The following PLEKHA4 variants were observed in gnomAD, a reference collection of about 807,000 sequenced individuals.
The protein encoded by PLEKHA4 is pleckstrin homology domain-containing family A member 4.
Under a neutral mutation model 94.7 loss-of-function variants are expected in PLEKHA4, and 73 were observed. The observed-to-expected ratio is 0.77, with a 90% CI of 0.64 to 0.94. PLEKHA4 has a LOEUF of 0.94. Ranked by LOEUF, PLEKHA4 falls within the 40% of genes least tolerant of loss-of-function variation. The pLI, the probability that PLEKHA4 is intolerant of heterozygous loss-of-function variation, is 0.00. For synonymous variants in PLEKHA4, 449 were observed against 437.1 expected (o/e 1.03, Z -0.34); for missense variants, 1,049 against 1,054.1 (o/e 1.00, Z 0.07).
chr19:48,857,680 G>A (rs898005985), intron 8 of PLEKHA4, among the ~76,000 whole-genome samples, 184 bp from the exon 9 acceptor site: 4 of 151,298 alleles, frequency 2.6e-5, no homozygotes, highest in African/African-American at 9.7e-5. Context: ...TAAGGGCAGT[G>A]CAAGATGTGC....
At chr19:48,859,817 T>G in intron 6 of PLEKHA4, 133 bp from the exon 7 acceptor site, 2 of 817,918 alleles carry the variant, frequency 2.4e-6, no homozygotes, top group Non-Finnish European at 1.9e-6. Flanking sequence ...TCCCCCTTCT[T>G]CAGAAGGGGA....
At chr19:48,857,916 A>C (rs191574410) in intron 8 of PLEKHA4, among the ~76,000 whole-genome samples, 1 of 151,682 alleles carries the variant, frequency 6.6e-6, no homozygotes, top group East Asian at 1.9e-4. Flanking sequence ...ATCAATAAAA[A>C]AATAATAATA....
intron 14 of PLEKHA4, 110 bp downstream of exon 14, chr19:48,847,790 A>C (rs1447425927): frequency 1.6e-6 from 2 of 1,286,256 alleles, no homozygotes; most frequent in East Asian, 5.4e-5. Context: ...CACTTGTACC[A>C]GGTGGGTTAG....
intron 6 of PLEKHA4, 90 bp from the exon 7 acceptor site, chr19:48,859,774 CA>C: frequency 8.2e-7 from 1 of 1,213,300 alleles, no homozygotes. Flanking sequence ...AGGATGCACC[CA>C]AAAAAGGAAA....
intron 16 of PLEKHA4, among the ~76,000 whole-genome samples, chr19:48,844,002 C>T (rs909547599): frequency 4.6e-5 from 7 of 151,698 alleles, no homozygotes; most frequent in African/African-American, 1.2e-4. Context: ...GGTCTTGCTA[C>T]GTTAGCCAGG....
intron 14 of PLEKHA4, among the ~76,000 whole-genome samples, chr19:48,845,880 A>T (rs1046662056): frequency 2.0e-5 from 3 of 151,088 alleles, no homozygotes; most frequent in African/African-American, 7.3e-5. Flanking sequence ...GCGTGGTGGC[A>T]GGCGCCTGTA....
intron 16 of PLEKHA4, among the ~76,000 whole-genome samples, chr19:48,842,139 TTTTC>T (rs1217289883): frequency 5.1e-5 from 7 of 138,008 alleles, no homozygotes; most frequent in Admixed American, 2.1e-4. Flanking sequence ...TGTTAATTTA[TTTTC>T]TTTTTTTTTT....
chr19:48,848,267 A>T (rs1405075287), intron 13 of PLEKHA4, among the ~76,000 whole-genome samples: 1 of 151,814 alleles, frequency 6.6e-6, no homozygotes, highest in Non-Finnish European at 1.5e-5. Flanking sequence ...CGGGCGGATC[A>T]CGAGGTCAGG....
chr19:48,861,495 C>T lies in PLEKHA4; in HGVS notation c.272G>A (p.Arg91His), dbSNP rs148436597. ...GHCLFYYKDS[R>H]EESVLGSVLL... ...GACGCTGCCTAGGACACTCTCCTCGCGGCTGTCTGCAAAGAGGGGCTGGGG... is the reference window on the plus strand; with the variant it reads ...GACGCTGCCTAGGACACTCTCCTCGTGGCTGTCTGCAAAGAGGGGCTGGGG... Residue 91 changes from arginine to histidine, a missense_variant, in exon 5 of 20, where the codon CGC becomes CAC. Coordinates refer to ENST00000263265, the MANE Select transcript of PLEKHA4 (RefSeq NM_020904.3). The T allele has an allele frequency of 2.4e-4, 386 of 1,613,922 alleles. 1 individual carries two copies. The highest frequency in any genetic ancestry group is 2.9e-4 in the Non-Finnish European group (341 of 1,179,964).
chr19:48,844,543 A>C (rs2035893275), intron 16 of PLEKHA4: 2 of 985,326 alleles, frequency 2.0e-6, no homozygotes, highest in Non-Finnish European at 2.4e-6. Context: ...TGATGGAGCC[A>C]AGCTTCTGAA....
chr19:48,861,401 G>A lies in PLEKHA4; in HGVS notation c.366C>T (p.Thr122=), dbSNP rs764835247. The A allele has an allele frequency of 1.2e-5, 20 of 1,612,256 alleles. No individual in the cohort carries two copies. Among genetic ancestry groups the A allele is most frequent in the African/African-American group, 2.7e-5 (2 of 74,884 alleles). ...GCACAACATGGATGGATGGACTCAC[G>A]GTGAAGGTGAAGCGCCGCCCTCGGG... ...GAPRGRRFTF[T]AEHPGMRTYV... Residue 122 remains threonine (T), a splice_region_variant and synonymous_variant, in exon 5 of 20, where the codon ACC becomes ACT. Coordinates refer to ENST00000263265, the MANE Select transcript of PLEKHA4 (RefSeq NM_020904.3).
chr19:48,856,367 A>G (rs1015467798), intron 9 of PLEKHA4, among the ~76,000 whole-genome samples: 2 of 131,718 alleles, frequency 1.5e-5, no homozygotes, highest in Non-Finnish European at 3.7e-5. Context: ...GCAGATCACA[A>G]GGTCAGGAGA....
intron 13 of PLEKHA4, among the ~76,000 whole-genome samples, chr19:48,851,958 A>G (rs1209965606): frequency 6.6e-6 from 1 of 152,040 alleles, no homozygotes; most frequent in Non-Finnish European, 1.5e-5. Flanking sequence ...AAACAAATAA[A>G]CAACTTTACA....
At chr19:48,850,611 A>G (rs1303923395) in intron 13 of PLEKHA4, among the ~76,000 whole-genome samples, 2 of 152,134 alleles carry the variant, frequency 1.3e-5, no homozygotes, top group Non-Finnish European at 2.9e-5. Flanking sequence ...TGAGGTCAGG[A>G]GTTCAAGACC....
intron 16 of PLEKHA4, among the ~76,000 whole-genome samples, chr19:48,841,732 A>G (rs1336118949): frequency 6.6e-6 from 1 of 151,880 alleles, no homozygotes; most frequent in Non-Finnish European, 1.5e-5. Context: ...AGGTGGGAGG[A>G]TCACTTGCGG....
At chr19:48,851,707 C>T (rs2036196029) in intron 13 of PLEKHA4, among the ~76,000 whole-genome samples, 1 of 151,890 alleles carries the variant, frequency 6.6e-6, no homozygotes, top group Middle Eastern at 3.2e-3. Context: ...GCAATCCCAG[C>T]ACTTTGGGAG....
Position 48,837,641 on chromosome 19 carries a change from G to C in PLEKHA4, c.2078-90C>G. 1 of 1,476,940 alleles carries C rather than the reference G, an allele frequency of 6.8e-7. No individual in the cohort carries two copies. The highest frequency in any genetic ancestry group is 1.2e-5 in the South Asian group (1 of 83,824). 91.5% of individuals were successfully genotyped at this position (1,476,940 alleles called of 1,614,324 possible). ...CCTCCTCCCTCAGACCCAGGACTCCGGATTCCCAGCCCCTCCTCCATCAGA... is the reference window on the plus strand; with the variant it reads ...CCTCCTCCCTCAGACCCAGGACTCCCGATTCCCAGCCCCTCCTCCATCAGA... On this transcript the variant is annotated intron_variant, in intron 19 of 19. Coordinates refer to ENST00000263265, the MANE Select transcript of PLEKHA4 (RefSeq NM_020904.3). The surrounding 1 kb of genome is among the most constrained non-coding windows in gnomAD (Gnocchi z 4.3).
chr19:48,843,427 C>T (rs1175655512), intron 16 of PLEKHA4, among the ~76,000 whole-genome samples: 1 of 152,080 alleles, frequency 6.6e-6, no homozygotes, highest in Non-Finnish European at 1.5e-5. Context: ...GATCCGCCTA[C>T]CTTGGCCTCC....
chr19:48,854,257 G>A lies in PLEKHA4; in HGVS notation c.1055C>T (p.Pro352Leu), dbSNP rs145060805. 8 of 1,613,970 alleles carry A rather than the reference G, an allele frequency of 5.0e-6. No individual in the cohort carries two copies. The African/African-American group carries it at 8.0e-5, about 16-fold the overall frequency. The change falls in exon 10 of 20, where the codon CCT (proline) becomes CTT (leucine). Residue 352 changes from proline (P) to leucine (L), a missense_variant. Transcript: ENST00000263265. ...TRASMVLLPGPPLESTFHQSL... is the reference protein window; with the variant it reads ...TRASMVLLPGLPLESTFHQSL... ...TTGGTGGAAAGTTGACTCCAGGGGAGGACCCGGCTGAAGAGAAGGAAAAAA... is the reference window on the plus strand; with the variant it reads ...TTGGTGGAAAGTTGACTCCAGGGGAAGACCCGGCTGAAGAGAAGGAAAAAA...
Sources: gnomAD v4.1 joint callset for allele counts (sites outside exome capture counted in the v4.1 genomes callset) on GRCh38, gnomAD v4.1.1 for gene constraint, Gnocchi (gnomAD v3.1) non-coding constraint, MANE v1.5 for transcripts, NCBI Gene and HGNC (gene_info 2026-07-23, HGNC 2026-07-21) for gene names.